SNX9: variants seen among roughly 807,000 people sequenced by gnomAD.
The protein encoded by SNX9 is sorting nexin 9, also known as sorting nexin-9.
A neutral mutation model predicts 89.4 loss-of-function variants in SNX9; 44 were observed. The observed-to-expected ratio is 0.49, with a 90% CI of 0.39 to 0.63. The LOEUF (loss-of-function observed/expected upper bound fraction) is 0.63, where lower values mean the gene tolerates loss of function less well. Ranked by LOEUF, SNX9 falls within the 30% of genes least tolerant of loss-of-function variation. The pLI is 0.00. For synonymous variants in SNX9, 236 were observed against 247.8 expected (o/e 0.95, Z 0.45); for missense variants, 578 against 736.1 (o/e 0.79, Z 2.49).
rs536474855 is a variant in SNX9, at chr6:157,836,108, TTTTGTTTG to T, written c.12+12680_12+12687del. On this transcript the variant is annotated intron_variant, in intron 1 of 17. Coordinates refer to ENST00000392185, the MANE Select transcript of SNX9 (RefSeq NM_016224.5). ...CACCAGAGCCAGCTAATATTTAATT[TTTTGTTTG>T]TTTGTTTGTTTGTTTGTAGAGACAG... Among the ~76,000 whole-genome samples, 541 of 151,940 alleles carry T rather than the reference TTTTGTTTG, an allele frequency of 3.6e-3. 1 individual carries two copies. Among genetic ancestry groups the T allele is most frequent in the African/African-American group, 0.012 (510 of 41,432 alleles).
chr6:157,838,937 G>A (rs1781640086), intron 1 of SNX9, among the ~76,000 whole-genome samples: 2 of 152,184 alleles, frequency 1.3e-5, no homozygotes, highest in South Asian at 2.1e-4. Context: ...ATAGCGTCTT[G>A]GAATGGTTAA....
At chr6:157,882,417 C>T (rs956113565) in intron 4 of SNX9, among the ~76,000 whole-genome samples, 1 of 152,218 alleles carries the variant, frequency 6.6e-6, no homozygotes, top group Non-Finnish European at 1.5e-5. Flanking sequence ...ACTTATTCTA[C>T]AGCCCTTGGA....
intron 1 of SNX9, among the ~76,000 whole-genome samples, chr6:157,843,827 C>T (rs534163543): frequency 5.4e-5 from 8 of 149,376 alleles, no homozygotes; most frequent in African/African-American, 2.0e-4. Flanking sequence ...TTCAAAGCAT[C>T]GTGAGTACAG....
At position 157,840,472 on chromosome 6, in the gene SNX9, T is replaced by TTC. The variant is rs542538171; in HGVS notation, c.12+17042_12+17043dup. On this transcript the variant is annotated intron_variant, in intron 1 of 17. Coordinates refer to ENST00000392185, the MANE Select transcript of SNX9 (RefSeq NM_016224.5). ...CTTTCCTTCCTTCCTTCCTTCTCCC[T>TTC]TCTCTCTCTCTCTCTCTTTCTTTCT... 1.6e-3 allele frequency among the ~76,000 whole-genome samples: 236 copies of TTC among 150,638 alleles called. 8 individuals are homozygous for TTC. In the South Asian group the frequency reaches 0.042, roughly 27 times the overall value.
In SNX9 at chr6:157,840,420, T is replaced by TTTC. The variant is rs199981713; in HGVS notation, c.12+16976_12+16977insCTT. Among the ~76,000 whole-genome samples the TTTC allele has an allele frequency of 7.7e-3, 910 of 118,566 alleles. 18 individuals are homozygous for TTTC. The highest frequency in any genetic ancestry group is 0.027 in the African/African-American group (831 of 30,260). The allele number at this position is 118,566 out of a possible 152,430, so 77.8% of individuals were successfully genotyped here. ...TTACAAAAAATACTTTCTTTCTTTC[T>TTTC]TTTCTTTCTTTTCTTTCCTTTCTTT... On this transcript the variant is annotated intron_variant, in intron 1 of 17. Coordinates refer to ENST00000392185, the MANE Select transcript of SNX9 (RefSeq NM_016224.5).
intron 16 of SNX9, among the ~76,000 whole-genome samples, chr6:157,940,033 T>G (rs11759442): frequency 0.32 from 49,092 of 152,056 alleles, 8,053 homozygotes; most frequent in East Asian, 0.48. Flanking sequence ...TCCCTCAGCA[T>G]CCAGTCCTCC....
chr6:157,926,882 A>G (rs1455638729), intron 10 of SNX9, among the ~76,000 whole-genome samples: 1 of 151,756 alleles, frequency 6.6e-6, no homozygotes, highest in Non-Finnish European at 1.5e-5. Flanking sequence ...TTCATTCTTT[A>G]AAGATTTGGT....
At chr6:157,894,465 T>TAA (rs1173887333) in intron 4 of SNX9, among the ~76,000 whole-genome samples, 17,959 of 100,266 alleles carry the variant, frequency 0.18, 1,514 homozygotes, top group African/African-American at 0.2. Context: ...ATTTAAATGT[T>TAA]AAAAAAAAAA....
chr6:157,884,832 G>T (rs1782700217), intron 4 of SNX9, among the ~76,000 whole-genome samples: 1 of 151,904 alleles, frequency 6.6e-6, no homozygotes. Flanking sequence ...TGTTTGTTTT[G>T]TCTAACTGGA....
intron 4 of SNX9, among the ~76,000 whole-genome samples, chr6:157,876,343 T>C (rs2115143591): frequency 6.6e-6 from 1 of 152,180 alleles, no homozygotes; most frequent in East Asian, 1.9e-4. Context: ...TCCAAGCTGC[T>C]CGGGGGGCTG....
chr6:157,904,825 C>T (rs899087339), intron 6 of SNX9, among the ~76,000 whole-genome samples: 3 of 152,208 alleles, frequency 2.0e-5, no homozygotes, highest in African/African-American at 7.2e-5. Context: ...CAAATGCTTC[C>T]TCTAAGTCCC....
intron 1 of SNX9, among the ~76,000 whole-genome samples, chr6:157,859,006 T>C (rs1242928767): frequency 2.0e-5 from 3 of 152,240 alleles, no homozygotes; most frequent in African/African-American, 7.2e-5. Context: ...TTTCCAATTT[T>C]CTGTGTTATT....
At chr6:157,828,532 C>G (rs922914555) in intron 1 of SNX9, among the ~76,000 whole-genome samples, 10 of 151,968 alleles carry the variant, frequency 6.6e-5, no homozygotes, top group African/African-American at 2.4e-4. Context: ...CTCACTTTGT[C>G]ATCCAGGCTG....
intron 10 of SNX9, among the ~76,000 whole-genome samples, chr6:157,925,063 C>A (rs1005481860): frequency 6.6e-6 from 1 of 152,132 alleles, no homozygotes; most frequent in African/African-American, 2.4e-5. Context: ...TACATTAGAA[C>A]TTCTTTTTTC....
At chr6:157,894,823 G>A (rs1782946942) in intron 4 of SNX9, among the ~76,000 whole-genome samples, 1 of 152,162 alleles carries the variant, frequency 6.6e-6, no homozygotes, top group Non-Finnish European at 1.5e-5. Flanking sequence ...CTTAAGCCTA[G>A]CATTTTTTCT....
At chr6:157,933,120 C>T (rs1028205078) in intron 13 of SNX9, among the ~76,000 whole-genome samples, 12 of 152,016 alleles carry the variant, frequency 7.9e-5, no homozygotes, top group Non-Finnish European at 1.5e-5. Context: ...GACCCCATCT[C>T]TACAAAAAAA....
intron 9 of SNX9, among the ~76,000 whole-genome samples, chr6:157,919,783 G>A (rs1783546347): frequency 6.6e-6 from 1 of 151,776 alleles, no homozygotes; most frequent in South Asian, 2.1e-4. Context: ...CTATTTCTTT[G>A]CGTATCTCTT....
In SNX9 at chr6:157,938,542, T is replaced by A. The variant is rs1783971997; in HGVS notation, c.1534-91T>A. 5.1e-6 allele frequency: 4 copies of A among 783,456 alleles called. No homozygotes were observed. In the South Asian group the frequency reaches 7.9e-5, roughly 15 times the overall value. The allele number at this position is 783,456 out of a possible 1,614,324, so 48.5% of individuals were successfully genotyped here. A position where few individuals can be genotyped will look rare whatever the true frequency, so the allele number is the denominator to read the frequency against. On this transcript the variant is annotated intron_variant, in intron 15 of 17. Coordinates refer to ENST00000392185, the MANE Select transcript of SNX9 (RefSeq NM_016224.5). ...GAGGTATTTCCTGTTCAGTAGCAAA[T>A]CAGTTATAGAATATATTAGCATTGT...
At chr6:157,931,872 G>A (rs1046376551) in intron 12 of SNX9, among the ~76,000 whole-genome samples, 2 of 152,230 alleles carry the variant, frequency 1.3e-5, no homozygotes, top group Non-Finnish European at 2.9e-5. Context: ...CTATCATGAT[G>A]ATCAAGCGCG....
Sources: allele counts gnomAD v4.1 joint callset (sites outside exome capture counted in the v4.1 genomes callset), GRCh38; gene constraint gnomAD v4.1.1; transcripts MANE v1.5; gene names NCBI Gene and HGNC (gene_info 2026-07-23, HGNC 2026-07-21).